The following IKBIP variants were observed in gnomAD, a reference collection of about 807,000 sequenced individuals.
The protein encoded by IKBIP is inhibitor of nuclear factor kappa-B kinase-interacting protein.
A neutral mutation model predicts 31.0 loss-of-function variants in IKBIP; 28 were observed. That is an observed-to-expected ratio of 0.90 (90% CI 0.67 to 1.24). The LOEUF (loss-of-function observed/expected upper bound fraction) is 1.24, where lower values mean the gene tolerates loss of function less well. IKBIP is among the 50% of genes most tolerant of loss of function. The pLI is 0.00. For synonymous variants in IKBIP, 164 were observed against 160.3 expected (o/e 1.02, Z -0.17); for missense variants, 453 against 441.9 (o/e 1.03, Z -0.23).
intron 2 of IKBIP, among the ~76,000 whole-genome samples, chr12:98,630,434 CTTGA>C (rs1472372431): frequency 8.1e-6 from 1 of 123,012 alleles, no homozygotes; most frequent in African/African-American, 3.1e-5. Flanking sequence ...TTTATTAGTG[CTTGA>C]TTGTTTTCAA....
chr12:98,616,548 A>G (rs2097606408), intron 2 of IKBIP, among the ~76,000 whole-genome samples: 1 of 152,188 alleles, frequency 6.6e-6, no homozygotes, highest in African/African-American at 2.4e-5. Context: ...TTCTATTCAA[A>G]AAAATCTTTC....
At chr12:98,640,829 A>G (rs537521451) in intron 1 of IKBIP, among the ~76,000 whole-genome samples, 2 of 151,884 alleles carry the variant, frequency 1.3e-5, no homozygotes, top group Admixed American at 6.6e-5. Flanking sequence ...TGGTGCAATC[A>G]AAGCTCACTG....
At chr12:98,621,968 C>T (rs1333741363), downstream of IKBIP, among the ~76,000 whole-genome samples, 3 of 151,324 alleles carry the variant, frequency 2.0e-5, no homozygotes, top group Non-Finnish European at 4.4e-5. Flanking sequence ...CTCAGCTACT[C>T]GGGAGGCTGA....
intron 2 of IKBIP, among the ~76,000 whole-genome samples, chr12:98,632,708 T>C (rs1201611365): frequency 3.5e-5 from 5 of 144,792 alleles, no homozygotes; most frequent in Admixed American, 7.2e-5. Context: ...TTCTGAAACC[T>C]CTGCCTCCCA....
rs2097614038 is a variant in IKBIP, at chr12:98,626,138, T to A, written c.926A>T (p.Asp309Val). The change falls in exon 3 of 3, where the codon GAT (aspartate) becomes GTT (valine). Residue 309 changes from aspartate (D) to valine (V), a missense_variant. Asp to Val is a radical substitution (Grantham distance 152). Coordinates refer to ENST00000299157, the MANE Select transcript of IKBIP (RefSeq NM_153687.4). Reference protein sequence around the residue: ...DLTMQMFNMEDDMLKAVSEIM... With the variant: ...DLTMQMFNMEVDMLKAVSEIM... ...TTCAGACACTGCTTTCAGCATATCA[T>A]CTTCCATATTAAACATCTGCATAGT... 1 of 1,610,654 alleles carries A rather than the reference T, an allele frequency of 6.2e-7. No individual in the cohort carries two copies. The highest frequency in any genetic ancestry group is 8.5e-7 in the Non-Finnish European group (1 of 1,177,716).
At chr12:98,618,190 A>G (rs2097607335) in intron 2 of IKBIP, among the ~76,000 whole-genome samples, 1 of 152,190 alleles carries the variant, frequency 6.6e-6, no homozygotes, top group Non-Finnish European at 1.5e-5. Flanking sequence ...TAAAACAAAA[A>G]AATTGAAATT....
intron 1 of IKBIP, among the ~76,000 whole-genome samples, chr12:98,643,817 C>CTTTTTTTTTTTTTTTTTCTTTTTT (rs1163038325): frequency 1.5e-5 from 2 of 136,926 alleles, no homozygotes; most frequent in African/African-American, 2.7e-5. Flanking sequence ...ATATGGTTTT[C>CTTTTTTTTTTTTTTTTTCTTTTTT]TTTTTTTTTT....
intron 2 of IKBIP, among the ~76,000 whole-genome samples, chr12:98,618,553 G>A (rs1179964070): frequency 6.6e-6 from 1 of 151,832 alleles, no homozygotes; most frequent in African/African-American, 2.4e-5. Flanking sequence ...GTGAACCCGG[G>A]AGGCGGAGCT....
Position 98,626,710 on chromosome 12 carries a change from G to A in IKBIP, c.354C>T (p.Thr118=), listed in dbSNP as rs1441921013. 1 of 1,613,466 alleles carries A rather than the reference G, an allele frequency of 6.2e-7. No homozygotes were observed. The highest frequency in any genetic ancestry group is 1.3e-5 in the African/African-American group (1 of 74,874). ...QEATSSMSLM[T]QFEQEVSNLQ... ...GGTTGGATACTTCCTGCTCAAACTGGGTCATCAAAGACATGGATGATGTAG... is the reference window on the plus strand; with the variant it reads ...GGTTGGATACTTCCTGCTCAAACTGAGTCATCAAAGACATGGATGATGTAG... Residue 118 remains threonine (T), a synonymous_variant, in exon 3 of 3, where the codon ACC becomes ACT. Coordinates refer to ENST00000299157, the MANE Select transcript of IKBIP (RefSeq NM_153687.4).
downstream of IKBIP, among the ~76,000 whole-genome samples, chr12:98,619,552 C>G (rs145581902): frequency 6.6e-6 from 1 of 152,096 alleles, no homozygotes; most frequent in Non-Finnish European, 1.5e-5. Context: ...AAAATTACTT[C>G]GGGTTTGGTT....
At position 98,613,801 on chromosome 12, in the gene IKBIP, ATCATTTGCAAAAG is replaced by A; in HGVS notation, c.824_836del (p.Thr275IlefsTer2). 6.2e-7 allele frequency: 1 copy of A among 1,610,308 alleles called. No individual in the cohort carries two copies. Among genetic ancestry groups the A allele is most frequent in the South Asian group, 1.1e-5 (1 of 90,116 alleles). On this transcript the variant is annotated frameshift_variant, in exon 3 of 3. Transcript: ENST00000342502. LOFTEE classifies it high-confidence loss of function. Reference sequence around the variant, plus strand: ...TTAGATTATACACCTTTGGTTTTAGATCATTTGCAAAAGTCACTGTCTTCAGAACTTTGGCTCT... The same window carrying A: ...TTAGATTATACACCTTTGGTTTTAGATCACTGTCTTCAGAACTTTGGCTCT...
chr12:98,625,090 C>T lies in IKBIP; in HGVS notation c.*840G>A. 5 of 978,074 alleles carry T rather than the reference C, an allele frequency of 5.1e-6. No individual in the cohort carries two copies. Among genetic ancestry groups the T allele is most frequent in the Non-Finnish European group, 6.1e-6 (5 of 823,268 alleles). 60.6% of individuals were successfully genotyped at this position (978,074 alleles called of 1,614,324 possible). On this transcript the variant is annotated 3_prime_UTR_variant, in exon 3 of 3. Coordinates refer to ENST00000299157, the MANE Select transcript of IKBIP (RefSeq NM_153687.4). Reference sequence around the variant, plus strand: ...AAGTGCTAGGATTACAGGTGTGAGCCACTGCGCCTGGCCTATTTAAGTAAA... The same window carrying T: ...AAGTGCTAGGATTACAGGTGTGAGCTACTGCGCCTGGCCTATTTAAGTAAA...
At chr12:98,622,513 C>A (rs112476635), downstream of IKBIP, among the ~76,000 whole-genome samples, 111 of 152,212 alleles carry the variant, frequency 7.3e-4, 1 homozygote, top group African/African-American at 2.4e-3. Context: ...CAGAGTGAGA[C>A]CCTGTCCCAA....
chr12:98,621,090 A>C (rs899916215), downstream of IKBIP, among the ~76,000 whole-genome samples: 4 of 152,098 alleles, frequency 2.6e-5, no homozygotes, highest in African/African-American at 4.8e-5. Context: ...TCTACTAAAA[A>C]TACAAAAAAT....
chr12:98,622,030 C>T (rs557212399), downstream of IKBIP, among the ~76,000 whole-genome samples: 715 of 149,170 alleles, frequency 4.8e-3, 14 homozygotes, highest in Non-Finnish European at 2.7e-3. Context: ...GAGCTGAGAT[C>T]GCACCACTGC....
At chr12:98,632,515 ATATATATATATATATAT>A (rs2097621664) in intron 2 of IKBIP, among the ~76,000 whole-genome samples, 38 of 45,132 alleles carry the variant, frequency 8.4e-4, no homozygotes, top group African/African-American at 3.5e-3. Flanking sequence ...AAAAAAAAAT[ATATATATATATATATAT>A]ATATATATAT....
chr12:98,620,360 A>AC (rs1405793488), downstream of IKBIP, among the ~76,000 whole-genome samples: 2 of 151,368 alleles, frequency 1.3e-5, no homozygotes, highest in Non-Finnish European at 2.9e-5. Flanking sequence ...CTTTCTAAAA[A>AC]CTTGCTAAAG....
chr12:98,642,619 G>A (rs1046313013), intron 1 of IKBIP, among the ~76,000 whole-genome samples: 1 of 31,100 alleles, frequency 3.2e-5, no homozygotes, highest in African/African-American at 1.2e-4. Context: ...TTTTTTTTTT[G>A]AGAAGGAGTT....
Position 98,626,357 on chromosome 12 carries a change from T to C in IKBIP, c.707A>G (p.Lys236Arg). ...TTCCTCTTCTAACTTTTCAATTGCC[T>C]TTGTATCAGAGCCTAGCTGCTCCTC... ...RVEEQLGSDT[K>R]AIEKLEEEQH... Residue 236 changes from lysine to arginine, a missense_variant, in exon 3 of 3, where the codon AAG becomes AGG. Physicochemically the swap from Lys to Arg is conservative, Grantham distance 26. Transcript: ENST00000299157. 6.2e-7 allele frequency: 1 copy of C among 1,614,154 alleles called. No individual in the cohort carries two copies. The highest frequency in any genetic ancestry group is 8.5e-7 in the Non-Finnish European group (1 of 1,180,030).
Sources: allele counts gnomAD v4.1 joint callset (sites outside exome capture counted in the v4.1 genomes callset), GRCh38; gene constraint gnomAD v4.1.1; transcripts MANE v1.5; gene names NCBI Gene and HGNC (gene_info 2026-07-23, HGNC 2026-07-21).